Variants in ZNF212 observed in about 807,000 individuals in gnomAD.
The protein encoded by ZNF212 is zinc finger protein 212.
A neutral mutation model predicts 47.3 loss-of-function variants in ZNF212; 32 were observed. The observed-to-expected ratio is 0.68, with a 90% CI of 0.51 to 0.91. The LOEUF is 0.91. ZNF212 is among the 40% of genes least tolerant of loss of function. The pLI is 0.00. For missense variants in ZNF212, 555 were observed against 622.8 expected (o/e 0.89, Z 1.16); for synonymous variants, 242 against 253.8 (o/e 0.95, Z 0.44).
Position 149,254,021 on chromosome 7 carries a change from A to G in ZNF212, c.1094A>G (p.Lys365Arg), listed in dbSNP as rs1471691639. 13 of 1,613,168 alleles carry G rather than the reference A, an allele frequency of 8.1e-6. No individual in the cohort carries two copies. The highest frequency in any genetic ancestry group is 1.0e-5 in the Non-Finnish European group (12 of 1,179,440). The change falls in exon 5 of 5, where the codon AAG becomes AGG. Residue 365 changes from lysine (K) to arginine (R), a missense_variant. Transcript: ENST00000335870. The surrounding 1 kb of genome is among the most constrained non-coding windows in gnomAD (Gnocchi z 4.5). Reference sequence around the variant, plus strand: ...CCACGGCTGAAACCACAGACCAAAAAGGCCAAGCTGCATCAGTGTGATGTG... The same window carrying G: ...CCACGGCTGAAACCACAGACCAAAAGGGCCAAGCTGCATCAGTGTGATGTG... ...PRPRLKPQTK[K>R]AKLHQCDVCL...
Sources: allele counts gnomAD v4.1 joint callset, GRCh38; gene constraint gnomAD v4.1.1; non-coding constraint Gnocchi (gnomAD v3.1); transcripts MANE v1.5; gene names NCBI Gene and HGNC (gene_info 2026-07-23, HGNC 2026-07-21).